SGCD: variants seen among roughly 807,000 people sequenced by gnomAD.
SGCD encodes the protein delta-sarcoglycan.
SGCD carries 18 observed loss-of-function variants against 36.6 expected under a neutral mutation model. The observed-to-expected ratio is 0.49, with a 90% CI of 0.34 to 0.73. The LOEUF is 0.73. Ranked by LOEUF, SGCD falls within the 30% of genes least tolerant of loss-of-function variation. The pLI is 0.01. For synonymous variants in SGCD, 133 were observed against 130.6 expected, an observed-to-expected ratio of 1.02 and a Z score of -0.12; for missense variants, 387 against 346.7, an observed-to-expected ratio of 1.12 and a Z score of -0.92.
chr5:156,268,921 ATGT>A (rs1198011598), intron 3 of SGCD, among the ~76,000 whole-genome samples: 1 of 151,946 alleles, frequency 6.6e-6, no homozygotes, highest in Non-Finnish European at 1.5e-5. Context: ...ATGATCAGTG[ATGT>A]TGAGCTTTTT....
intron 6 of SGCD, among the ~76,000 whole-genome samples, chr5:156,597,765 G>A (rs201063163): frequency 3.6e-5 from 3 of 83,398 alleles, no homozygotes; most frequent in African/African-American, 1.4e-4. Flanking sequence ...TTTTATAAAA[G>A]GTCTATTGAT....
At chr5:156,069,071 G>T (rs1355665949) in intron 1 of SGCD, among the ~76,000 whole-genome samples, 2 of 152,084 alleles carry the variant, frequency 1.3e-5, no homozygotes, top group East Asian at 1.9e-4. Flanking sequence ...CATTCTGTAG[G>T]TTGCCTGTTC....
the SGCD span, among the ~76,000 whole-genome samples, chr5:155,845,051 G>GGT: frequency 4.8e-3 from 726 of 151,950 alleles, 5 homozygotes; most frequent in African/African-American, 0.017. Context: ...GACAGGCCCC[G>GGT]GTGTGTGATA....
chr5:156,153,962 G>A (rs1055980910), intron 3 of SGCD, among the ~76,000 whole-genome samples: 5 of 151,512 alleles, frequency 3.3e-5, no homozygotes, highest in African/African-American at 9.8e-5. Flanking sequence ...TTTTGCACAC[G>A]ACATGTTACC....
At position 156,478,396 on chromosome 5, in the gene SGCD, A is replaced by T. The variant is rs202176392; in HGVS notation, c.193-30205A>T. 1.5e-4 allele frequency among the ~76,000 whole-genome samples: 23 copies of T among 152,088 alleles called. No individual in the cohort carries two copies. In the South Asian group the frequency reaches 4.8e-3, roughly 32 times the overall value. On this transcript the variant is annotated intron_variant, in intron 3 of 8. Coordinates refer to ENST00000337851, the MANE Select transcript of SGCD (RefSeq NM_000337.6). ...CAGGTGGCTCTGCTCCCCCTGGGCT[A>T]CTCTGAGCCACACGCATCTTTGTGA...
chr5:156,573,434 C>T (rs964318400), intron 4 of SGCD, among the ~76,000 whole-genome samples: 10 of 152,144 alleles, frequency 6.6e-5, no homozygotes, highest in Non-Finnish European at 1.2e-4. Flanking sequence ...GATTTAGGAC[C>T]CCACATGGAC....
chr5:156,179,127 A>G (rs1382291776), intron 3 of SGCD, among the ~76,000 whole-genome samples: 1 of 152,228 alleles, frequency 6.6e-6, no homozygotes, highest in Non-Finnish European at 1.5e-5. Flanking sequence ...TAACATACAC[A>G]TCTAAGCATG....
chr5:155,894,980 G>A (rs1240306195), intron 1 of SGCD, among the ~76,000 whole-genome samples: 2 of 152,128 alleles, frequency 1.3e-5, no homozygotes, highest in African/African-American at 4.8e-5. Context: ...TGCCAAAAAG[G>A]TTGAGGACCA....
chr5:155,799,152 A>G, the SGCD span, among the ~76,000 whole-genome samples: 1 of 152,228 alleles, frequency 6.6e-6, no homozygotes, highest in Admixed American at 6.5e-5. Flanking sequence ...TAAATAAGTA[A>G]CAAATGATTC....
chr5:156,534,298 C>T (rs958610037), intron 4 of SGCD, among the ~76,000 whole-genome samples: 6 of 152,068 alleles, frequency 3.9e-5, no homozygotes, highest in Non-Finnish European at 7.4e-5. Flanking sequence ...GAAACCTAGA[C>T]TTTCCATGTG....
intron 3 of SGCD, among the ~76,000 whole-genome samples, chr5:156,284,367 A>C (rs1017565487): frequency 2.0e-5 from 3 of 152,036 alleles, no homozygotes; most frequent in Non-Finnish European, 4.4e-5. Flanking sequence ...GAGACACAAC[A>C]AAAAAAGAGA....
chr5:156,219,482 A>G (rs1192016502), intron 3 of SGCD, among the ~76,000 whole-genome samples: 1 of 152,012 alleles, frequency 6.6e-6, no homozygotes, highest in African/African-American at 2.4e-5. Context: ...AAAATTCTGA[A>G]AAAATAAAGC....
At chr5:155,927,021 A>T (rs1580994786) in intron 1 of SGCD, among the ~76,000 whole-genome samples, 1 of 152,312 alleles carries the variant, frequency 6.6e-6, no homozygotes, top group East Asian at 1.9e-4. Flanking sequence ...TCCTACAATC[A>T]CAGGGCAGCT....
chr5:156,302,584 T>A (rs1166951500), intron 3 of SGCD, among the ~76,000 whole-genome samples: 2 of 152,172 alleles, frequency 1.3e-5, no homozygotes, highest in African/African-American at 4.8e-5. Context: ...GGATGTTTGT[T>A]GATATTTGTG....
At chr5:156,060,869 A>G (rs975068769) in intron 1 of SGCD, among the ~76,000 whole-genome samples, 1 of 145,948 alleles carries the variant, frequency 6.9e-6, no homozygotes, top group Non-Finnish European at 1.5e-5. Context: ...TTATATCACT[A>G]TATTTTCCTA....
intron 1 of SGCD, among the ~76,000 whole-genome samples, chr5:156,005,428 TTTGTTGTTGTTGTTG>T (rs5872447): frequency 3.7e-4 from 56 of 150,614 alleles, no homozygotes; most frequent in African/African-American, 9.3e-4. Context: ...GTCTTCAGTT[TTTGTTGTTGTTGTTG>T]TTGTTGTTGT....
chr5:156,246,894 A>C (rs1341558058), intron 3 of SGCD, among the ~76,000 whole-genome samples: 2 of 152,176 alleles, frequency 1.3e-5, no homozygotes, highest in African/African-American at 4.8e-5. Flanking sequence ...TTAGGCCTAA[A>C]ACATGTAATT....
intron 3 of SGCD, among the ~76,000 whole-genome samples, chr5:156,423,887 C>G (rs1027699860): frequency 2.0e-5 from 3 of 151,876 alleles, no homozygotes; most frequent in African/African-American, 7.3e-5. Context: ...GAGTAAGTAC[C>G]TGGTACATTA....
intron 7 of SGCD, among the ~76,000 whole-genome samples, chr5:156,664,172 A>C: frequency 1.0e-5 from 1 of 97,606 alleles, no homozygotes; most frequent in Non-Finnish European, 2.0e-5. Flanking sequence ...TGTCCTCCTA[A>C]AACAACTCCT....
Sources: allele counts gnomAD v4.1 joint callset (sites outside exome capture counted in the v4.1 genomes callset), GRCh38; gene constraint gnomAD v4.1.1; transcripts MANE v1.5; gene names NCBI Gene and HGNC (gene_info 2026-07-23, HGNC 2026-07-21).